Variants in PAPSS2 observed in about 807,000 individuals in gnomAD.
The protein encoded by PAPSS2 is 3'-phosphoadenosine 5'-phosphosulfate synthase 2, also known as bifunctional 3'-phosphoadenosine 5'-phosphosulfate synthase 2.
PAPSS2 carries 61 observed loss-of-function variants against 66.5 expected under a neutral mutation model. The observed-to-expected ratio is 0.92, with a 90% CI of 0.75 to 1.14. PAPSS2 has a LOEUF of 1.14. Ranked by LOEUF, PAPSS2 falls within the 50% of genes most tolerant of loss-of-function variation. The pLI is 0.00. For missense variants in PAPSS2, 708 were observed against 789.6 expected (o/e 0.90, Z 1.24); for synonymous variants, 289 against 287.5 (o/e 1.01, Z -0.05).
At chr10:87,706,108 A>ATATATATATGTGTGTG in intron 1 of PAPSS2, among the ~76,000 whole-genome samples, 1 of 51,998 alleles carries the variant, frequency 1.9e-5, no homozygotes, top group African/African-American at 1.0e-4. Flanking sequence ...ATATATATAT[A>ATATATATATGTGTGTG]TGTGTGTGTG....
chr10:87,676,199 T>TG (rs1852944641), intron 1 of PAPSS2, among the ~76,000 whole-genome samples: 1 of 152,096 alleles, frequency 6.6e-6, no homozygotes, highest in Non-Finnish European at 1.5e-5. Context: ...TTCTTGACGG[T>TG]GGTGACTTTA....
intron 7 of PAPSS2, among the ~76,000 whole-genome samples, chr10:87,718,842 A>T (rs1317446823): frequency 6.6e-6 from 1 of 152,218 alleles, no homozygotes; most frequent in African/African-American, 2.4e-5. Context: ...CAACTCTTGT[A>T]AGGTGTATAG....
intron 1 of PAPSS2, chr10:87,660,469 A>G (rs1852736535): frequency 4.9e-6 from 1 of 202,926 alleles, no homozygotes; most frequent in Admixed American, 5.3e-5. Context: ...ACGGACTTTC[A>G]TAGAGGAAAC....
chr10:87,683,892 G>A (rs4316430), intron 1 of PAPSS2, among the ~76,000 whole-genome samples: 78,665 of 151,706 alleles, frequency 0.52, 20,598 homozygotes, highest in East Asian at 0.78. Flanking sequence ...TGGGGGTTTC[G>A]CTATGTTGCC....
At chr10:87,726,542 C>G (rs1424658034) in intron 8 of PAPSS2, among the ~76,000 whole-genome samples, 1 of 152,146 alleles carries the variant, frequency 6.6e-6, no homozygotes, top group Non-Finnish European at 1.5e-5. Flanking sequence ...CTCATTTACC[C>G]TGATGTGATT....
At chr10:87,726,407 C>T (rs1156838800) in intron 8 of PAPSS2, among the ~76,000 whole-genome samples, 5 of 152,030 alleles carry the variant, frequency 3.3e-5, no homozygotes, top group Admixed American at 6.6e-5. Context: ...TCCAGCCTGG[C>T]GGCAGAGCAA....
chr10:87,683,566 T>C (rs1225062885), intron 1 of PAPSS2, among the ~76,000 whole-genome samples: 1 of 152,254 alleles, frequency 6.6e-6, no homozygotes, highest in Non-Finnish European at 1.5e-5. Context: ...CTAGAAATGA[T>C]GATCCTGCAT....
intron 9 of PAPSS2, among the ~76,000 whole-genome samples, chr10:87,732,211 A>C (rs1164360977): frequency 6.6e-6 from 1 of 152,232 alleles, no homozygotes; most frequent in Non-Finnish European, 1.5e-5. Flanking sequence ...TCAGAGGATC[A>C]TTAACATTTT....
At chr10:87,730,301 C>G (rs1261854750) in intron 9 of PAPSS2, among the ~76,000 whole-genome samples, 1 of 152,106 alleles carries the variant, frequency 6.6e-6, no homozygotes, top group Non-Finnish European at 1.5e-5. Context: ...GCTTATATAC[C>G]ATCCTGAGAT....
At chr10:87,727,679 TTTGAGGTCTGGTCTCAATGATCTC>T (rs1216323669) in intron 9 of PAPSS2, among the ~76,000 whole-genome samples, 190 bp downstream of exon 9, 1 of 152,204 alleles carries the variant, frequency 6.6e-6, no homozygotes, top group Non-Finnish European at 1.5e-5. Context: ...TGTCTTTCTG[TTTGAGGTCTGGTCTCAATGATCTC>T]TTGAGTCCTC....
At chr10:87,724,911 G>T (rs1853641307) in intron 8 of PAPSS2, among the ~76,000 whole-genome samples, 1 of 126,274 alleles carries the variant, frequency 7.9e-6, no homozygotes, top group African/African-American at 2.9e-5. Context: ...TTAAGGAATT[G>T]GTTCGTGTGA....
At chr10:87,686,026 G>C (rs76221046) in intron 1 of PAPSS2, among the ~76,000 whole-genome samples, 41 of 152,028 alleles carry the variant, frequency 2.7e-4, no homozygotes, top group Admixed American at 2.7e-3. Context: ...GAGGTCTCCA[G>C]CTCCTTTTCT....
chr10:87,668,658 A>ATG (rs58768390), intron 1 of PAPSS2, among the ~76,000 whole-genome samples: 7,731 of 149,166 alleles, frequency 0.052, 252 homozygotes, highest in African/African-American at 0.088. Context: ...TACTTTAAAA[A>ATG]TGTGTGTGTG....
At chr10:87,706,084 G>GTGTATATATATATATA (rs1459705587) in intron 1 of PAPSS2, among the ~76,000 whole-genome samples, 13 of 60,180 alleles carry the variant, frequency 2.2e-4, no homozygotes, top group African/African-American at 1.0e-3. Flanking sequence ...TCTTCACATG[G>GTGTATATATATATATA]TATATATATA....
chr10:87,687,717 T>G (rs1337689978), intron 1 of PAPSS2, among the ~76,000 whole-genome samples: 1 of 152,184 alleles, frequency 6.6e-6, no homozygotes, highest in Admixed American at 6.5e-5. Flanking sequence ...TTTGAGGTGA[T>G]GGAATGCTTA....
intron 1 of PAPSS2, among the ~76,000 whole-genome samples, chr10:87,689,648 C>A (rs11202510): frequency 0.3 from 34,780 of 114,982 alleles, 4,340 homozygotes; most frequent in African/African-American, 0.37. Context: ...GCCTGGGCAA[C>A]AAGAGCGAAA....
chr10:87,680,388 C>T (rs1244792639), intron 1 of PAPSS2, among the ~76,000 whole-genome samples: 1 of 152,064 alleles, frequency 6.6e-6, no homozygotes, highest in Non-Finnish European at 1.5e-5. Context: ...GGCTTTGGCA[C>T]CTGGATAACA....
Position 87,721,761 on chromosome 10 carries a change from G to T in PAPSS2, c.871G>T (p.Ala291Ser). Residue 291 changes from alanine to serine, a missense_variant, in exon 8 of 13, where the codon GCC becomes TCC. By Grantham distance (99) the Ala-to-Ser change is moderately conservative. Coordinates refer to ENST00000456849, the MANE Select transcript of PAPSS2 (RefSeq NM_001015880.2). Reference protein sequence around the residue: ...MHFDTLLDGMALPDGVINMSI... With the variant: ...MHFDTLLDGMSLPDGVINMSI... ...TTGTGTTTATATTTCCCTAGGCATG[G>T]CCCTTCCTGGTATGTACTTTAACTT... is the stretch of plus-strand genomic sequence containing the variant. The T allele has an allele frequency of 6.6e-7, 1 of 1,526,290 alleles. No homozygotes were observed. Among genetic ancestry groups the T allele is most frequent in the East Asian group, 2.4e-5 (1 of 41,064 alleles). The allele number at this position is 1,526,290 out of a possible 1,614,324, so 94.5% of individuals were successfully genotyped here.
At chr10:87,696,337 T>G (rs1238076817) in intron 1 of PAPSS2, among the ~76,000 whole-genome samples, 1 of 152,174 alleles carries the variant, frequency 6.6e-6, no homozygotes, top group African/African-American at 2.4e-5. Context: ...TCCTGGGCTC[T>G]CTCTATATGG....
Sources: allele counts gnomAD v4.1 joint callset (sites outside exome capture counted in the v4.1 genomes callset), GRCh38; gene constraint gnomAD v4.1.1; transcripts MANE v1.5; gene names NCBI Gene and HGNC (gene_info 2026-07-23, HGNC 2026-07-21).